Variants in PLD5 observed in about 807,000 individuals in gnomAD.
The protein encoded by PLD5 is inactive phospholipase D5.
Under a neutral mutation model 61.1 loss-of-function variants are expected in PLD5, and 36 were observed. That is an observed-to-expected ratio of 0.59 (90% CI 0.45 to 0.78). The LOEUF (loss-of-function observed/expected upper bound fraction) is 0.78. Ranked by LOEUF, PLD5 falls within the 30% of genes least tolerant of loss-of-function variation. The pLI, the probability that PLD5 is intolerant of heterozygous loss-of-function variation, is 0.00. For synonymous variants in PLD5, 243 were observed against 242.8 expected, an observed-to-expected ratio of 1.00 and a Z score of -0.01; for missense variants, 515 against 644.4, an observed-to-expected ratio of 0.80 and a Z score of 2.17.
At chr1:242,392,856 T>C (rs1015930620) in intron 1 of PLD5, among the ~76,000 whole-genome samples, 1 of 152,106 alleles carries the variant, frequency 6.6e-6, no homozygotes, top group African/African-American at 2.4e-5. Context: ...TTATCTCCAC[T>C]CGATTAGAGG....
At position 242,100,786 on chromosome 1, in the gene PLD5, T is replaced by TA. The variant is rs776685947; in HGVS notation, c.1240-5dup. 1.1e-5 allele frequency: 18 copies of TA among 1,579,864 alleles called. No individual in the cohort carries two copies. The Admixed American group carries it at 1.9e-4, about 16-fold the overall frequency. Reference sequence around the variant, plus strand: ...CTCTTTCCAGATCAAAAAATTTCTGTAAGAAAAAAAAAAAGGGGGCAGGTA... The same window carrying TA: ...CTCTTTCCAGATCAAAAAATTTCTGTAAAGAAAAAAAAAAAGGGGGCAGGTA... On this transcript the variant is annotated splice_polypyrimidine_tract_variant and splice_region_variant and intron_variant, in intron 8 of 9. Transcript: ENST00000536534.
At chr1:242,170,253 G>C (rs1194302580) in intron 5 of PLD5, among the ~76,000 whole-genome samples, 1 of 152,198 alleles carries the variant, frequency 6.6e-6, no homozygotes, top group African/African-American at 2.4e-5. Flanking sequence ...AGCAATCTTT[G>C]CTGTTCTGCA....
Position 242,411,103 on chromosome 1 carries a change from T to G in PLD5, c.190-62861A>C, listed in dbSNP as rs146450385. Among the ~76,000 whole-genome samples the G allele has an allele frequency of 1.8e-4, 27 of 152,290 alleles. No homozygotes were observed. The East Asian group carries it at 5.2e-3, about 29-fold the overall frequency. On this transcript the variant is annotated intron_variant, in intron 1 of 9. Coordinates refer to ENST00000536534, the MANE Select transcript of PLD5 (RefSeq NM_001372062.1). ...AATAAATCACGATTAACAGAAAGAA[T>G]CATAAAATTATAGGTTCTTCAAGTA...
At chr1:242,399,568 A>C (rs1663803533) in intron 1 of PLD5, among the ~76,000 whole-genome samples, 2 of 152,212 alleles carry the variant, frequency 1.3e-5, no homozygotes, top group Admixed American at 6.5e-5. Context: ...GATCCTTATA[A>C]AACAAAGAAT....
Position 242,348,069 on chromosome 1 carries a change from G to A in PLD5, c.326+37C>T, listed in dbSNP as rs192158380. ...AAGGCCCTCTTTGGATTTCTTGCCCGCCCCCTAAAAGAGAATTTTTGTTTG... is the reference window on the plus strand; with the variant it reads ...AAGGCCCTCTTTGGATTTCTTGCCCACCCCCTAAAAGAGAATTTTTGTTTG... On this transcript the variant is annotated intron_variant, in intron 2 of 9. Coordinates refer to ENST00000536534, the MANE Select transcript of PLD5 (RefSeq NM_001372062.1). The A allele has an allele frequency of 7.2e-5, 116 of 1,603,428 alleles. No homozygotes were observed. The Middle Eastern group carries it at 1.2e-3, about 16-fold the overall frequency.
upstream of PLD5, among the ~76,000 whole-genome samples, chr1:242,525,035 T>G: frequency 6.6e-6 from 1 of 151,544 alleles, no homozygotes; most frequent in African/African-American, 2.4e-5. Context: ...CCCCCATCTC[T>G]ATCCAGCGGC....
At chr1:242,451,459 CTTT>C (rs398038597) in intron 1 of PLD5, among the ~76,000 whole-genome samples, 8 of 115,136 alleles carry the variant, frequency 6.9e-5, no homozygotes, top group Admixed American at 1.0e-4. Context: ...GTATCAAATT[CTTT>C]TTTTTTTTTT....
upstream of PLD5, among the ~76,000 whole-genome samples, chr1:242,526,005 C>A (rs1352805246): frequency 2.6e-5 from 4 of 152,190 alleles, no homozygotes; most frequent in Non-Finnish European, 4.4e-5. Context: ...ATCTCTAAGT[C>A]TCATGTTATC....
intron 2 of PLD5, among the ~76,000 whole-genome samples, chr1:242,322,060 G>T (rs1323291320): frequency 6.6e-6 from 1 of 152,148 alleles, no homozygotes; most frequent in African/African-American, 2.4e-5. Flanking sequence ...AAATTCCACA[G>T]ACCATCTAGA....
At chr1:242,167,067 C>CAAT (rs1360516731) in intron 5 of PLD5, among the ~76,000 whole-genome samples, 177 of 55,242 alleles carry the variant, frequency 3.2e-3, no homozygotes, top group East Asian at 8.0e-3. Context: ...GAGTGAGAGA[C>CAAT]AATAATAATA....
intron 1 of PLD5, among the ~76,000 whole-genome samples, chr1:242,495,244 T>C (rs917924403): frequency 6.6e-6 from 1 of 152,078 alleles, no homozygotes; most frequent in Non-Finnish European, 1.5e-5. Flanking sequence ...CTGGGAACCA[T>C]GTGGATGCTC....
chr1:242,213,814 G>C (rs917654618), intron 5 of PLD5, among the ~76,000 whole-genome samples: 1 of 150,492 alleles, frequency 6.6e-6, no homozygotes, highest in African/African-American at 2.4e-5. Context: ...CTCCCCTGGA[G>C]GGTTAGTAGG....
At chr1:242,314,090 A>G (rs1676866047) in intron 2 of PLD5, among the ~76,000 whole-genome samples, 1 of 152,162 alleles carries the variant, frequency 6.6e-6, no homozygotes, top group South Asian at 2.1e-4. Flanking sequence ...TATTGCTGAA[A>G]GAAATTTCCC....
intron 9 of PLD5, among the ~76,000 whole-genome samples, chr1:242,098,199 A>G (rs868811080): frequency 1.4e-4 from 21 of 152,328 alleles, no homozygotes; most frequent in Non-Finnish European, 2.5e-4. Flanking sequence ...AGGTACACCA[A>G]TCAGACGTAG....
chr1:242,529,993 TGAGTAACTGAGATTACAGGTGCCCA>T, the PLD5 span, among the ~76,000 whole-genome samples: 37 of 152,248 alleles, frequency 2.4e-4, no homozygotes, highest in African/African-American at 8.7e-4. Flanking sequence ...CTCAGCCTCC[TGAGTAACTGAGATTACAGGTGCCCA>T]GAGTAACTGA....
At chr1:242,353,777 G>A (rs908725621) in intron 1 of PLD5, among the ~76,000 whole-genome samples, 1 of 151,986 alleles carries the variant, frequency 6.6e-6, no homozygotes, top group South Asian at 2.1e-4. Context: ...CCATATATTT[G>A]TGTCTTCAAT....
At chr1:242,379,307 C>A (rs1662149468) in intron 1 of PLD5, among the ~76,000 whole-genome samples, 1 of 152,154 alleles carries the variant, frequency 6.6e-6, no homozygotes, top group Non-Finnish European at 1.5e-5. Flanking sequence ...TGCTAGAGCA[C>A]ACCAGGACCT....
rs537282673 is a variant in PLD5 at position 242,265,526 on chromosome 1, T to C, written c.496-78A>G. ...ATTTAGACAGGTAAAAATAAACTCA[T>C]TAAAATTAATCTATTCGTTCAAATG... On this transcript the variant is annotated intron_variant, in intron 3 of 9. Transcript: ENST00000536534. 104 of 1,200,392 alleles carry C rather than the reference T, an allele frequency of 8.7e-5. 1 individual carries two copies. In the South Asian group the frequency reaches 1.5e-3, roughly 18 times the overall value. 74.4% of individuals were successfully genotyped at this position (1,200,392 alleles called of 1,614,324 possible).
At chr1:242,131,835 C>CTTTT (rs10694688) in intron 5 of PLD5, among the ~76,000 whole-genome samples, 14 of 122,832 alleles carry the variant, frequency 1.1e-4, no homozygotes, top group African/African-American at 3.4e-4. Context: ...TCTTTCTTTC[C>CTTTT]TTTTTTTTTT....
Sources: allele counts gnomAD v4.1 joint callset (sites outside exome capture counted in the v4.1 genomes callset), GRCh38; gene constraint gnomAD v4.1.1; transcripts MANE v1.5; gene names NCBI Gene and HGNC (gene_info 2026-07-23, HGNC 2026-07-21).